Variants in ECE1 observed in about 807,000 individuals in gnomAD.
ECE1 encodes the protein endothelin converting enzyme 1.
A neutral mutation model predicts 98.6 loss-of-function variants in ECE1; 35 were observed. That is an observed-to-expected ratio of 0.35 (90% CI 0.27 to 0.47). ECE1 has a LOEUF of 0.47. Ranked by LOEUF, ECE1 falls within the 20% of genes least tolerant of loss-of-function variation. The probability of loss-of-function intolerance (pLI) is 1.00; values close to 1 mark genes in which losing one functional copy is unlikely to be tolerated. For missense variants in ECE1, 814 were observed against 1,025.3 expected (o/e 0.79, Z 2.81); for synonymous variants, 394 against 407.1 (o/e 0.97, Z 0.39).
chr1:21,230,703 A>T (rs757640566), intron 14 of ECE1, among the ~76,000 whole-genome samples: 12 of 151,922 alleles, frequency 7.9e-5, no homozygotes, highest in African/African-American at 2.2e-4. Context: ...CTTTCTATAT[A>T]TAAAAACAAC....
chr1:21,254,887 C>A (rs948398962), intron 8 of ECE1, among the ~76,000 whole-genome samples: 1 of 152,194 alleles, frequency 6.6e-6, no homozygotes, highest in African/African-American at 2.4e-5. Flanking sequence ...CGGCCTGCAT[C>A]TCCGCCTGGG....
chr1:21,338,565 T>C (rs1639345258), intron 1 of ECE1, among the ~76,000 whole-genome samples: 1 of 152,234 alleles, frequency 6.6e-6, no homozygotes. Flanking sequence ...GTCTATCCTC[T>C]GAATGAGAGT....
intron 1 of ECE1, among the ~76,000 whole-genome samples, chr1:21,297,626 G>T (rs567894739): frequency 3.3e-5 from 5 of 149,674 alleles, no homozygotes; most frequent in African/African-American, 9.8e-5. Flanking sequence ...CTGCCTCCTG[G>T]GTTCAAGCAA....
chr1:21,328,242 T>C (rs213032), intron 1 of ECE1, among the ~76,000 whole-genome samples: 57,682 of 152,114 alleles, frequency 0.38, 13,359 homozygotes, highest in African/African-American at 0.66. Context: ...TCCTCAGGGA[T>C]GTCTTCCCTG....
intron 2 of ECE1, chr1:21,279,692 C>CA: frequency 7.2e-7 from 1 of 1,381,946 alleles, no homozygotes; most frequent in Non-Finnish European, 9.3e-7. Context: ...AGTGAGTACC[C>CA]AGCTGGGCTC....
At chr1:21,281,759 C>T (rs1372938716) in intron 2 of ECE1, among the ~76,000 whole-genome samples, 5 of 152,176 alleles carry the variant, frequency 3.3e-5, no homozygotes, top group East Asian at 1.9e-4. Flanking sequence ...TGCAATGGCA[C>T]GATCTCGGCT....
At chr1:21,261,001 G>A (rs940193457) in intron 4 of ECE1, among the ~76,000 whole-genome samples, 3 of 152,144 alleles carry the variant, frequency 2.0e-5, no homozygotes, top group African/African-American at 7.2e-5. Flanking sequence ...CAGACACCCG[G>A]AGATTCTGTT....
chr1:21,295,220 A>T (rs1638321574), upstream of ECE1, among the ~76,000 whole-genome samples: 1 of 152,212 alleles, frequency 6.6e-6, no homozygotes, highest in African/African-American at 2.4e-5. Flanking sequence ...TAATATAGAT[A>T]AAGTGCTTGG....
intron 10 of ECE1, among the ~76,000 whole-genome samples, chr1:21,244,470 TG>T (rs975798155): frequency 2.6e-5 from 4 of 152,200 alleles, no homozygotes; most frequent in Admixed American, 2.6e-4. Flanking sequence ...AACTTTCCAC[TG>T]GGGGTAGGTT....
At chr1:21,286,354 C>T (rs1174906503) in intron 2 of ECE1, among the ~76,000 whole-genome samples, 1 of 152,138 alleles carries the variant, frequency 6.6e-6, no homozygotes, top group Non-Finnish European at 1.5e-5. Flanking sequence ...TGTAATAATC[C>T]TTGTAATAAC....
At chr1:21,300,596 G>A (rs185894765) in intron 1 of ECE1, among the ~76,000 whole-genome samples, 23 of 152,114 alleles carry the variant, frequency 1.5e-4, no homozygotes, top group Non-Finnish European at 2.4e-4. Context: ...CACCACACCC[G>A]GCTAATTTTT....
chr1:21,327,672 C>T lies in ECE1; in HGVS notation c.3+17704G>A, dbSNP rs1191752655. Reference sequence around the variant, plus strand: ...CTGCACGGCCCTGCGGGACCCAGCCCTGACCACCCTTCAGCTTCACCCTTC... The same window carrying T: ...CTGCACGGCCCTGCGGGACCCAGCCTTGACCACCCTTCAGCTTCACCCTTC... On this transcript the variant is annotated intron_variant, in intron 1 of 18. Coordinates refer to the ECE1 transcript ENST00000415912. This position sits in a 1 kb window ranked among gnomAD's most constrained non-coding sequence, Gnocchi z 4.6. 6.6e-6 allele frequency among the ~76,000 whole-genome samples: 1 copy of T among 152,214 alleles called. No homozygotes were observed. Among genetic ancestry groups the T allele is most frequent in the Non-Finnish European group, 1.5e-5 (1 of 68,030 alleles).
chr1:21,260,989 C>G lies in ECE1; in HGVS notation c.494-597G>C, dbSNP rs1048599127. ...CCTGCAGTGGCTTCTCAGACCTTAC[C>G]CCAGACACCCGGAGATTCTGTTCCC... On this transcript the variant is annotated intron_variant, in intron 4 of 18. Coordinates refer to ENST00000374893, the MANE Select transcript of ECE1 (RefSeq NM_001397.3). This position sits in a 1 kb window ranked among gnomAD's most constrained non-coding sequence, Gnocchi z 4.3. Among the ~76,000 whole-genome samples, 4 of 152,204 alleles carry G rather than the reference C, an allele frequency of 2.6e-5. No homozygotes were observed. The highest frequency in any genetic ancestry group is 5.9e-5 in the Non-Finnish European group (4 of 68,038).
rs3026905 is a variant in ECE1, at chr1:21,225,121, G to A, written c.2040+129C>T. 0.032 allele frequency: 40,032 copies of A among 1,266,276 alleles called. 768 individuals carry two copies. The highest frequency in any genetic ancestry group is 0.035 in the Non-Finnish European group (32,138 of 911,848). 78.4% of individuals were successfully genotyped at this position (1,266,276 alleles called of 1,614,324 possible). ...ATTGGTCCTCGCCACCCCCAATTTC[G>A]CAGAAGAGGAAACGGAAGCTCGCAC... On this transcript the variant is annotated intron_variant, in intron 17 of 18. Transcript: ENST00000374893. This position sits in a 1 kb window ranked among gnomAD's most constrained non-coding sequence, Gnocchi z 5.3.
At chr1:21,280,191 T>C (rs1339008008) in intron 2 of ECE1, 1 of 152,242 alleles carries the variant, frequency 6.6e-6, no homozygotes, top group African/African-American at 2.4e-5. Context: ...CCAAGGCAGC[T>C]TGGGGTTCTC....
intron 14 of ECE1, among the ~76,000 whole-genome samples, chr1:21,231,882 C>G (rs1049306831): frequency 6.6e-6 from 1 of 152,160 alleles, no homozygotes; most frequent in African/African-American, 2.4e-5. Flanking sequence ...TCAAAGCGTT[C>G]GAATTACAGG....
intron 7 of ECE1, among the ~76,000 whole-genome samples, chr1:21,257,119 A>C (rs147885978): frequency 3.3e-5 from 5 of 152,298 alleles, no homozygotes; most frequent in African/African-American, 9.6e-5. Context: ...TGAGCAGATC[A>C]CTTAGCATCT....
intron 4 of ECE1, among the ~76,000 whole-genome samples, chr1:21,270,693 A>C (rs1343468143): frequency 6.6e-6 from 1 of 152,174 alleles, no homozygotes; most frequent in East Asian, 1.9e-4. Flanking sequence ...CCACCACAAC[A>C]TGCCAAGCCT....
chr1:21,301,877 T>G (rs1638493736), intron 1 of ECE1, among the ~76,000 whole-genome samples: 1 of 143,416 alleles, frequency 7.0e-6, no homozygotes, highest in Non-Finnish European at 1.5e-5. Context: ...AGCCATCTCC[T>G]GCAAGTTCTG....
Sources: allele counts gnomAD v4.1 joint callset (sites outside exome capture counted in the v4.1 genomes callset), GRCh38; gene constraint gnomAD v4.1.1; non-coding constraint Gnocchi (gnomAD v3.1); transcripts MANE v1.5; gene names NCBI Gene and HGNC (gene_info 2026-07-23, HGNC 2026-07-21).